Variants in ZDHHC5 observed in about 807,000 individuals in gnomAD.
ZDHHC5 encodes palmitoyltransferase ZDHHC5.
In ZDHHC5, 22 loss-of-function variants were observed where a neutral mutation model predicts 70.0. That is an observed-to-expected ratio of 0.31 (90% CI 0.22 to 0.45). ZDHHC5 has a LOEUF of 0.45. Among genes scored for constraint, ZDHHC5 ranks in the 20% least tolerant of loss-of-function variants. The pLI, the probability that ZDHHC5 is intolerant of heterozygous loss-of-function variation, is 1.00. For missense variants in ZDHHC5, 746 were observed against 926.9 expected (o/e 0.80, Z 2.53); for synonymous variants, 313 against 347.8 (o/e 0.90, Z 1.11).
intron 2 of ZDHHC5, among the ~76,000 whole-genome samples, chr11:57,677,212 C>T (rs185608071): frequency 1.1e-3 from 157 of 149,018 alleles, no homozygotes; most frequent in Non-Finnish European, 1.9e-3. Context: ...TGAGCCACCA[C>T]GCCCAGCCCC....
rs1946161867 is a variant in ZDHHC5 at position 57,682,530 on chromosome 11, G to A, written c.213G>A (p.Gly71=). 1 of 1,613,890 alleles carries A rather than the reference G, an allele frequency of 6.2e-7. No homozygotes were observed. Among genetic ancestry groups the A allele is most frequent in the Non-Finnish European group, 8.5e-7 (1 of 1,179,988 alleles). ...NFSMATFMDP[G]IFPRAEEDED... is the part of the protein sequence containing the mutation. The stretch of plus-strand genomic sequence containing the variant: ...GCATGGCCACCTTCATGGACCCAGG[G>A]ATTTTCCCTCGAGGTAAGATCTGCT... The change falls in exon 3 of 12, where the codon GGG becomes GGA. Residue 71 remains glycine, a synonymous_variant. Transcript: ENST00000287169.
chr11:57,690,741 C>T (rs556954727), intron 6 of ZDHHC5, among the ~76,000 whole-genome samples: 5 of 152,214 alleles, frequency 3.3e-5, no homozygotes, highest in African/African-American at 9.6e-5. Context: ...CGCAAACTGT[C>T]GCAAGGACAG....
chr11:57,681,021 C>T (rs17454419), intron 2 of ZDHHC5, among the ~76,000 whole-genome samples: 3,539 of 152,274 alleles, frequency 0.023, 63 homozygotes, highest in Non-Finnish European at 0.038. Context: ...TATTTACTAT[C>T]TAAAAAGCCT....
At position 57,698,611 on chromosome 11, in the gene ZDHHC5, G is replaced by A. The variant is rs149239636; in HGVS notation, c.1175G>A (p.Arg392His). Reference protein sequence around the residue: ...KEPTSIAESSRHPSYRSEPSL... With the variant: ...KEPTSIAESSHHPSYRSEPSL... ...CCAACCTCAATTGCAGAGAGCAGCC[G>A]TCACCCCAGCTACCGCTCAGAGCCC... Residue 392 changes from arginine to histidine, a missense_variant, in exon 11 of 12, where the codon CGT (arginine) becomes CAT (histidine). Arg to His is a conservative substitution (Grantham distance 29). Coordinates refer to ENST00000287169, the MANE Select transcript of ZDHHC5 (RefSeq NM_015457.3). 467 of 1,613,834 alleles carry A rather than the reference G, an allele frequency of 2.9e-4. No homozygotes were observed. The highest frequency in any genetic ancestry group is 5.7e-4 in the Admixed American group (34 of 59,996).
chr11:57,700,191 G>A lies in ZDHHC5; in HGVS notation c.*160G>A, dbSNP rs777279157. ...GTGTTTTCTAAAATGCAGTAGGCTT[G>A]GGGAGTCGGAGAGTTGGGGCCCTGA... is the stretch of plus-strand genomic sequence containing the variant. On this transcript the variant is annotated 3_prime_UTR_variant, in exon 12 of 12. Coordinates refer to ENST00000287169, the MANE Select transcript of ZDHHC5 (RefSeq NM_015457.3). The A allele has an allele frequency of 9.1e-6, 9 of 983,886 alleles. No individual in the cohort carries two copies. The highest frequency in any genetic ancestry group is 1.3e-5 in the Non-Finnish European group (9 of 707,648). 60.9% of individuals were successfully genotyped at this position (983,886 alleles called of 1,614,324 possible).
intron 4 of ZDHHC5, among the ~76,000 whole-genome samples, chr11:57,689,150 T>C (rs997273909): frequency 2.6e-5 from 4 of 152,224 alleles, no homozygotes. Flanking sequence ...TGCTGTTGTG[T>C]TTCAATTTGT....
chr11:57,677,675 C>A (rs910610464), intron 2 of ZDHHC5, among the ~76,000 whole-genome samples: 6 of 152,084 alleles, frequency 3.9e-5, no homozygotes, highest in African/African-American at 1.4e-4. Context: ...ATATAGTTTG[C>A]GGCTTTTCAG....
At chr11:57,699,577 A>C (rs1946413196) in intron 11 of ZDHHC5, among the ~76,000 whole-genome samples, 159 bp downstream of exon 11, 1 of 152,258 alleles carries the variant, frequency 6.6e-6, no homozygotes, top group Non-Finnish European at 1.5e-5. Flanking sequence ...CTTCATGGGC[A>C]ATTCCTGTTA....
At chr11:57,678,808 G>A (rs537354790) in intron 2 of ZDHHC5, among the ~76,000 whole-genome samples, 10 of 151,972 alleles carry the variant, frequency 6.6e-5, no homozygotes, top group Admixed American at 1.3e-4. Flanking sequence ...GAATCTGGGA[G>A]GCAATTTTAG....
At chr11:57,677,667 A>G (rs1229862221) in intron 2 of ZDHHC5, among the ~76,000 whole-genome samples, 2 of 152,106 alleles carry the variant, frequency 1.3e-5, no homozygotes, top group Non-Finnish European at 2.9e-5. Flanking sequence ...CATCCATTAT[A>G]TAGTTTGCGG....
At chr11:57,684,312 A>C (rs1008982118) in intron 3 of ZDHHC5, among the ~76,000 whole-genome samples, 1 of 152,180 alleles carries the variant, frequency 6.6e-6, no homozygotes, top group Non-Finnish European at 1.5e-5. Flanking sequence ...GGCTGGGCAC[A>C]GTGGTTCATG....
At chr11:57,676,984 C>T (rs561632334) in intron 2 of ZDHHC5, among the ~76,000 whole-genome samples, 4 of 127,308 alleles carry the variant, frequency 3.1e-5, no homozygotes, top group African/African-American at 1.2e-4. Flanking sequence ...TGCAGTGGCG[C>T]GATCTCGGCT....
At chr11:57,687,650 A>C (rs1946223745) in intron 3 of ZDHHC5, among the ~76,000 whole-genome samples, 1 of 151,878 alleles carries the variant, frequency 6.6e-6, no homozygotes, top group East Asian at 1.9e-4. Flanking sequence ...TGGGTTTCTG[A>C]TAGCTGAAAA....
At chr11:57,692,216 T>G (rs565525914) in intron 6 of ZDHHC5, among the ~76,000 whole-genome samples, 10 of 152,306 alleles carry the variant, frequency 6.6e-5, no homozygotes, top group East Asian at 5.8e-4. Context: ...AGATGGGGTT[T>G]TGCCATGTTG....
rs1946019189 is a variant in ZDHHC5, at chr11:57,672,547, G to A, written c.-544G>A. ...TGGAAGGGGCCTCAGGTTCCTTCTT[G>A]GATTGAAATAGAAATAGAAACACAG... is the stretch of plus-strand genomic sequence containing the variant. On this transcript the variant is annotated 5_prime_UTR_variant, in exon 2 of 12. Coordinates refer to ENST00000287169, the MANE Select transcript of ZDHHC5 (RefSeq NM_015457.3). 1 of 293,712 alleles carries A rather than the reference G, an allele frequency of 3.4e-6. No homozygotes were observed. The highest frequency in any genetic ancestry group is 5.1e-5 in the Admixed American group (1 of 19,580). 18.2% of individuals were successfully genotyped at this position (293,712 alleles called of 1,614,324 possible). A position where few individuals can be genotyped will look rare whatever the true frequency, so the allele number is the denominator to read the frequency against.
At chr11:57,680,403 A>T (rs558686282) in intron 2 of ZDHHC5, among the ~76,000 whole-genome samples, 1 of 152,272 alleles carries the variant, frequency 6.6e-6, no homozygotes, top group Admixed American at 6.5e-5. Context: ...GAAAGAGTCG[A>T]GTCAGAAAGA....
At chr11:57,674,456 A>C (rs1022399587) in intron 2 of ZDHHC5, among the ~76,000 whole-genome samples, 1 of 152,108 alleles carries the variant, frequency 6.6e-6, no homozygotes, top group Non-Finnish European at 1.5e-5. Context: ...AGCTCTTGGA[A>C]TCATCAGAGC....
chr11:57,699,630 A>G (rs1435204210), intron 11 of ZDHHC5, among the ~76,000 whole-genome samples: 1 of 152,236 alleles, frequency 6.6e-6, no homozygotes, highest in Non-Finnish European at 1.5e-5. Flanking sequence ...CTATCTTCCT[A>G]AAAGTATTTG....
At chr11:57,695,496 G>A (rs1402368297) in intron 8 of ZDHHC5, among the ~76,000 whole-genome samples, 1 of 152,032 alleles carries the variant, frequency 6.6e-6, no homozygotes, top group Non-Finnish European at 1.5e-5. Context: ...CAGTATAGTT[G>A]AGAAATATAT....
Sources: allele counts gnomAD v4.1 joint callset (sites outside exome capture counted in the v4.1 genomes callset), GRCh38; gene constraint gnomAD v4.1.1; transcripts MANE v1.5; gene names NCBI Gene and HGNC (gene_info 2026-07-23, HGNC 2026-07-21).